Variants in SLC2A14 observed in about 807,000 individuals in gnomAD.
SLC2A14 encodes solute carrier family 2 member 14.
A neutral mutation model predicts 43.0 loss-of-function variants in SLC2A14; 13 were observed. The ratio of observed to expected loss-of-function variants is 0.30; its 90% CI spans 0.20 to 0.48. SLC2A14 has a LOEUF of 0.48. Ranked by LOEUF, SLC2A14 falls within the 20% of genes least tolerant of loss-of-function variation. The probability of loss-of-function intolerance (pLI) is 0.99; values close to 1 mark genes in which losing one functional copy is unlikely to be tolerated. For missense variants in SLC2A14, 428 were observed against 620.4 expected (o/e 0.69, Z 3.29); for synonymous variants, 190 against 233.8 (o/e 0.81, Z 1.71).
intron 2 of SLC2A14, chr12:7,839,771 C>G (rs895786757): frequency 4.4e-6 from 2 of 450,818 alleles, no homozygotes; most frequent in Admixed American, 4.8e-5. Flanking sequence ...GGAGTAATAC[C>G]CATACAGAAG....
rs768663823 is a variant in SLC2A14, at chr12:7,841,322, A to G, written c.19-8508T>C. On this transcript the variant is annotated intron_variant, in intron 2 of 10. Transcript: ENST00000431042. ...GTCACCCAGGCTGGAGTTCAGTGCC[A>G]TGATCTCGGCTCACTGCAACCTCCA... 7.2e-5 allele frequency among the ~76,000 whole-genome samples: 11 copies of G among 152,130 alleles called. No individual in the cohort carries two copies. The East Asian group carries it at 2.1e-3, about 29-fold the overall frequency.
chr12:7,862,596 G>T (rs1379872995), intron 2 of SLC2A14, among the ~76,000 whole-genome samples: 1 of 152,152 alleles, frequency 6.6e-6, no homozygotes, highest in Non-Finnish European at 1.5e-5. Flanking sequence ...CTGGCAGGCA[G>T]CTCCACCTGC....
In SLC2A14 at chr12:7,830,156, T is replaced by A. The variant is rs750590294; in HGVS notation, c.273-150A>T. The stretch of plus-strand genomic sequence containing the variant: ...CTTTTTCACTTTCTTTTCTTTTCTT[T>A]CTTTTTTTTTTTTTGAGACAGAGTC... On this transcript the variant is annotated intron_variant, in intron 4 of 10. Coordinates refer to ENST00000431042, the MANE Select transcript of SLC2A14 (RefSeq NM_001286234.2). 1.4e-3 allele frequency: 1,443 copies of A among 1,011,280 alleles called. 5 individuals are homozygous for A. The highest frequency in any genetic ancestry group is 1.8e-3 in the Non-Finnish European group (1,362 of 753,438). 62.6% of individuals were successfully genotyped at this position (1,011,280 alleles called of 1,614,324 possible).
At chr12:7,837,638 C>CAAAAACA (rs1555129225) in intron 2 of SLC2A14, among the ~76,000 whole-genome samples, 1 of 52,884 alleles carries the variant, frequency 1.9e-5, no homozygotes, top group African/African-American at 8.8e-5. Flanking sequence ...AACTTCGTCT[C>CAAAAACA]AAAAAAAAAA....
In SLC2A14 at chr12:7,823,036, A is replaced by G. The variant is rs747887967; in HGVS notation, c.865-1711T>C. ...TAATACCAGCTACTATTGCAATTTA[A>G]TATATATTAAATAAATTACTATGTT... On this transcript the variant is annotated intron_variant, in intron 7 of 10. Coordinates refer to ENST00000431042, the MANE Select transcript of SLC2A14 (RefSeq NM_001286234.2). Among the ~76,000 whole-genome samples the G allele has an allele frequency of 3.3e-5, 5 of 152,248 alleles. No homozygotes were observed. In the East Asian group the frequency reaches 5.8e-4, roughly 18 times the overall value.
chr12:7,883,263 CTTT>C (rs372464881), intron 1 of SLC2A14, among the ~76,000 whole-genome samples: 182 of 108,410 alleles, frequency 1.7e-3, no homozygotes, highest in African/African-American at 3.2e-3. Flanking sequence ...TTCTTTCTTT[CTTT>C]TTTTTTTTTT....
chr12:7,826,830 T>C (rs186932972), intron 7 of SLC2A14, among the ~76,000 whole-genome samples: 352 of 32,598 alleles, frequency 0.011, 1 homozygote, highest in African/African-American at 0.03. Context: ...TCTTTCTTTC[T>C]TTCTTTCCTT....
At chr12:7,884,754 G>C (rs1419307246) in intron 1 of SLC2A14, among the ~76,000 whole-genome samples, 1 of 152,154 alleles carries the variant, frequency 6.6e-6, no homozygotes, top group African/African-American at 2.4e-5. Context: ...TGCTGTTCCA[G>C]AGCAAGGTTC....
intron 10 of SLC2A14, 152 bp downstream of exon 10, chr12:7,817,679 A>G: frequency 2.1e-6 from 2 of 932,806 alleles, no homozygotes; most frequent in Non-Finnish European, 3.1e-6. Context: ...AGGCAGAAGA[A>G]TCGCTTGTCA....
intron 7 of SLC2A14, among the ~76,000 whole-genome samples, chr12:7,825,741 G>A (rs1430596680): frequency 8.0e-6 from 1 of 125,326 alleles, no homozygotes; most frequent in Non-Finnish European, 1.6e-5. Flanking sequence ...TAGCCTGGGT[G>A]ACAAAGTGAG....
intron 2 of SLC2A14, among the ~76,000 whole-genome samples, chr12:7,868,790 C>T (rs552721459): frequency 6.6e-6 from 1 of 152,040 alleles, no homozygotes. Flanking sequence ...GGTGGATCAC[C>T]AGAGATCAGG....
At chr12:7,828,675 T>C in intron 6 of SLC2A14, 29 bp downstream of exon 6, 1 of 1,611,690 alleles carries the variant, frequency 6.2e-7, no homozygotes, top group Non-Finnish European at 8.5e-7. Flanking sequence ...ACCATATACT[T>C]TGTATACTAA....
At chr12:7,861,405 C>A (rs1314120373) in intron 2 of SLC2A14, among the ~76,000 whole-genome samples, 1 of 152,068 alleles carries the variant, frequency 6.6e-6, no homozygotes, top group African/African-American at 2.4e-5. Context: ...TACATGCTTT[C>A]AGTACCACTG....
intron 7 of SLC2A14, among the ~76,000 whole-genome samples, chr12:7,825,171 A>C (rs1864232444): frequency 6.6e-6 from 1 of 152,000 alleles, no homozygotes; most frequent in Non-Finnish European, 1.5e-5. Context: ...AACAATAATT[A>C]AGGTATAGGC....
intron 3 of SLC2A14, 102 bp from the exon 4 acceptor site, chr12:7,831,866 T>A: frequency 6.8e-7 from 1 of 1,460,910 alleles, no homozygotes; most frequent in Non-Finnish European, 9.3e-7. Context: ...CCCAGCACTT[T>A]GGAAGGCCGA....
chr12:7,812,836 CTG>C lies in SLC2A14; in HGVS notation c.*1478_*1479del, dbSNP rs2120619988. On this transcript the variant is annotated 3_prime_UTR_variant, in exon 11 of 11. Transcript: ENST00000431042. Reference sequence around the variant, plus strand: ...TAAGCACCAAGAAGGGAAAGGGAGACTGAGCAACATATGAAAAAGGGGCTGTA... The same window carrying C: ...TAAGCACCAAGAAGGGAAAGGGAGACAGCAACATATGAAAAAGGGGCTGTA... The C allele has an allele frequency of 6.6e-6, 1 of 152,200 alleles. No individual in the cohort carries two copies. Among genetic ancestry groups the C allele is most frequent in the East Asian group, 1.9e-4 (1 of 5,176 alleles). The allele number at this position is 152,200 out of a possible 1,614,324, so 9.4% of individuals were successfully genotyped here.
At chr12:7,821,470 G>C in intron 7 of SLC2A14, 145 bp from the exon 8 acceptor site, 1 of 641,152 alleles carries the variant, frequency 1.6e-6, no homozygotes, top group East Asian at 2.8e-5. Flanking sequence ...ATCGCCTGAG[G>C]TCAGGAGTTT....
intron 6 of SLC2A14, among the ~76,000 whole-genome samples, chr12:7,828,093 G>C (rs564288105): frequency 1.3e-5 from 2 of 152,082 alleles, no homozygotes; most frequent in African/African-American, 4.8e-5. Context: ...GTTGGGCGCG[G>C]TGGCTCACAC....
chr12:7,863,543 ACC>A (rs1944726048), intron 2 of SLC2A14: 5 of 379,024 alleles, frequency 1.3e-5, no homozygotes, highest in Non-Finnish European at 2.1e-5. Flanking sequence ...AGGAGAATGA[ACC>A]CAGGACACAG....
Sources: gnomAD v4.1 joint callset for allele counts (sites outside exome capture counted in the v4.1 genomes callset) on GRCh38, gnomAD v4.1.1 for gene constraint, MANE v1.5 for transcripts, NCBI Gene and HGNC (gene_info 2026-07-23, HGNC 2026-07-21) for gene names.